The following LEPR variants were observed in gnomAD, a reference collection of about 807,000 sequenced individuals.
The protein encoded by LEPR is OB receptor.
Under a neutral mutation model 114.7 loss-of-function variants are expected in LEPR, and 56 were observed. The ratio of observed to expected loss-of-function variants is 0.49; its 90% CI spans 0.39 to 0.61. LEPR has a LOEUF of 0.61. LEPR is among the 20% of genes least tolerant of loss of function. The probability of loss-of-function intolerance (pLI) is 0.00; values close to 1 mark genes in which losing one functional copy is unlikely to be tolerated. For missense variants in LEPR, 1,202 were observed against 1,352.9 expected (o/e 0.89, Z 1.75); for synonymous variants, 443 against 461.4 (o/e 0.96, Z 0.51).
chr1:65,472,445 C>CACACACACAT, intron 2 of LEPR, among the ~76,000 whole-genome samples: 1 of 131,794 alleles, frequency 7.6e-6, no homozygotes, highest in Non-Finnish European at 1.6e-5. Flanking sequence ...CACACACACA[C>CACACACACAT]GTGTGTATAT....
intron 6 of LEPR, among the ~76,000 whole-genome samples, chr1:65,593,629 A>G (rs1655853088): frequency 6.6e-6 from 1 of 152,052 alleles, no homozygotes; most frequent in Non-Finnish European, 1.5e-5. Context: ...TGCTTTTCCA[A>G]GTATCTGATA....
At chr1:65,539,511 G>A (rs1000644850) in intron 2 of LEPR, among the ~76,000 whole-genome samples, 10 of 152,278 alleles carry the variant, frequency 6.6e-5, no homozygotes, top group African/African-American at 2.4e-4. Context: ...TTGCCTAAAT[G>A]TCAGGGCTTT....
intron 11 of LEPR, among the ~76,000 whole-genome samples, 181 bp from the exon 12 acceptor site, chr1:65,608,572 G>A (rs147096402): frequency 2.0e-4 from 30 of 152,234 alleles, no homozygotes; most frequent in African/African-American, 6.5e-4. Flanking sequence ...GCGAAAAAGA[G>A]ATAAATCCCT....
intron 2 of LEPR, among the ~76,000 whole-genome samples, chr1:65,466,427 G>T (rs916711604): frequency 2.0e-5 from 3 of 152,126 alleles, no homozygotes; most frequent in Admixed American, 6.5e-5. Context: ...TTTGTGGGTA[G>T]CCTGACCTTT....
intron 1 of LEPR, among the ~76,000 whole-genome samples, chr1:65,423,960 T>C (rs767140271): frequency 2.6e-5 from 4 of 152,218 alleles, no homozygotes; most frequent in African/African-American, 4.8e-5. Context: ...ACATAGATTA[T>C]CTCATTTAAT....
chr1:65,500,979 T>C (rs1648420270), intron 2 of LEPR, among the ~76,000 whole-genome samples: 1 of 152,058 alleles, frequency 6.6e-6, no homozygotes, highest in Non-Finnish European at 1.5e-5. Context: ...AATAAAGTTC[T>C]ATACATTCGT....
chr1:65,537,236 TC>T (rs1282704130), intron 2 of LEPR, among the ~76,000 whole-genome samples: 1 of 152,150 alleles, frequency 6.6e-6, no homozygotes, highest in Non-Finnish European at 1.5e-5. Flanking sequence ...TTCTCTGAAA[TC>T]CCATAGTACT....
intron 4 of LEPR, among the ~76,000 whole-genome samples, chr1:65,572,106 C>T (rs1229991632): frequency 6.6e-6 from 1 of 151,156 alleles, no homozygotes; most frequent in Admixed American, 6.6e-5. Flanking sequence ...AATTCTATTA[C>T]TTTAGAAAAA....
At chr1:65,526,280 T>C (rs1232379543) in intron 2 of LEPR, 1 of 985,252 alleles carries the variant, frequency 1.0e-6, no homozygotes, top group Non-Finnish European at 1.2e-6. Context: ...ACCTCAGCTT[T>C]TGTTTCCCAC....
intron 2 of LEPR, among the ~76,000 whole-genome samples, chr1:65,529,393 G>C (rs984962167): frequency 9.9e-5 from 15 of 151,920 alleles, no homozygotes; most frequent in African/African-American, 3.6e-4. Context: ...CTGGTGGCAG[G>C]CGCCTGTAAT....
rs1553157734 is a variant in LEPR at position 65,488,226 on chromosome 1, C to CTCTCTCTTTCTTTCTTTCTT, written c.-21+62851_-21+62852insCTCTTTCTTTCTTTCTTTCT. On this transcript the variant is annotated intron_variant, in intron 2 of 19. Coordinates refer to ENST00000349533, the MANE Select transcript of LEPR (RefSeq NM_002303.6). ...TTTCTTTCTTTCTCTCTCTCTCTCT[C>CTCTCTCTTTCTTTCTTTCTT]TCTTTCTTTCTTTCTTTCTTTCTTT... Among the ~76,000 whole-genome samples, 27 of 67,962 alleles carry CTCTCTCTTTCTTTCTTTCTT rather than the reference C, an allele frequency of 4.0e-4. 1 individual carries two copies. The highest frequency in any genetic ancestry group is 2.9e-3 in the South Asian group (5 of 1,752). 44.6% of individuals were successfully genotyped at this position (67,962 alleles called of 152,430 possible).
intron 19 of LEPR, among the ~76,000 whole-genome samples, chr1:65,628,988 G>A (rs1658374491): frequency 6.6e-6 from 1 of 152,018 alleles, no homozygotes; most frequent in South Asian, 2.1e-4. Flanking sequence ...TTTCTGGTAT[G>A]TCACCTTTTT....
intron 2 of LEPR, among the ~76,000 whole-genome samples, chr1:65,539,832 T>A (rs117750642): frequency 6.6e-6 from 1 of 152,134 alleles, no homozygotes; most frequent in East Asian, 1.9e-4. Context: ...GTAGTAGGCA[T>A]TGAGGTTTCA....
At chr1:65,568,640 C>G (rs375411163) in intron 3 of LEPR, among the ~76,000 whole-genome samples, 9 of 151,834 alleles carry the variant, frequency 5.9e-5, no homozygotes, top group African/African-American at 2.2e-4. Context: ...AACATATGAC[C>G]GCAGGTGTCT....
intron 2 of LEPR, among the ~76,000 whole-genome samples, chr1:65,472,922 T>C (rs1647106197): frequency 6.6e-6 from 1 of 152,172 alleles, no homozygotes; most frequent in Non-Finnish European, 1.5e-5. Flanking sequence ...AGCATCTAAT[T>C]CAAAAACTCA....
At chr1:65,526,554 G>A (rs548515199) in intron 2 of LEPR, 38 of 284,520 alleles carry the variant, frequency 1.3e-4, no homozygotes, top group South Asian at 6.7e-4. Flanking sequence ...TATACTGAAG[G>A]GTGGCCTGGG....
chr1:65,471,160 A>C (rs1250241008), intron 2 of LEPR, among the ~76,000 whole-genome samples: 1 of 152,068 alleles, frequency 6.6e-6, no homozygotes, highest in Non-Finnish European at 1.5e-5. Flanking sequence ...TGGTTTGATC[A>C]CTCCTAATTT....
intron 2 of LEPR, among the ~76,000 whole-genome samples, chr1:65,556,277 T>A (rs1244225963): frequency 6.6e-6 from 1 of 152,154 alleles, no homozygotes; most frequent in Non-Finnish European, 1.5e-5. Flanking sequence ...CCTTTCTTTA[T>A]AAGCCACTGA....
At chr1:65,439,786 C>A (rs1646622674) in intron 2 of LEPR, among the ~76,000 whole-genome samples, 1 of 148,238 alleles carries the variant, frequency 6.7e-6, no homozygotes, top group Non-Finnish European at 1.5e-5. Flanking sequence ...CGAGATCATG[C>A]CATTGCACTC....
Sources: allele counts gnomAD v4.1 joint callset (sites outside exome capture counted in the v4.1 genomes callset), GRCh38; gene constraint gnomAD v4.1.1; transcripts MANE v1.5; gene names NCBI Gene and HGNC (gene_info 2026-07-23, HGNC 2026-07-21).